ADGRV1: variants seen among roughly 807,000 people sequenced by gnomAD.
ADGRV1 encodes G-protein coupled receptor 98.
Under a neutral mutation model 596.2 loss-of-function variants are expected in ADGRV1, and 359 were observed. The observed-to-expected ratio is 0.60, with a 90% CI of 0.55 to 0.66. ADGRV1 has a LOEUF of 0.66. ADGRV1 is among the 30% of genes least tolerant of loss of function. The probability of loss-of-function intolerance (pLI) is 0.00; values close to 1 mark genes in which losing one functional copy is unlikely to be tolerated. For synonymous variants in ADGRV1, 2,681 were observed against 2,679.2 expected (o/e 1.00, Z -0.02); for missense variants, 7,274 against 7,575.6 (o/e 0.96, Z 1.48).
At position 90,728,734 on chromosome 5, in the gene ADGRV1, C is replaced by T. The variant is rs751104405; in HGVS notation, c.10227C>T (p.Thr3409=). 1.7e-5 allele frequency: 27 copies of T among 1,613,812 alleles called. No homozygotes were observed. The highest frequency in any genetic ancestry group is 2.2e-5 in the Non-Finnish European group (26 of 1,179,786). ...HQKLPVRGVL[T]VALFNKGGSV... is the part of the protein sequence containing the mutation. The stretch of plus-strand genomic sequence containing the variant: ...AACTCCCTGTCCGAGGTGTGCTGAC[C>T]GTGGCCTTGTTCAACAAGGGAGGCT... Residue 3409 remains threonine (T), a synonymous_variant, in exon 49 of 90, where the codon ACC becomes ACT. Coordinates refer to ENST00000405460, the MANE Select transcript of ADGRV1 (RefSeq NM_032119.4).
At chr5:90,851,217 A>T (rs934418107) in intron 79 of ADGRV1, among the ~76,000 whole-genome samples, 16 of 150,590 alleles carry the variant, frequency 1.1e-4, no homozygotes, top group South Asian at 6.3e-4. Context: ...AAGAGTGTTA[A>T]AGGTTAGAGA....
intron 83 of ADGRV1, among the ~76,000 whole-genome samples, chr5:90,960,055 C>T (rs922124536): frequency 1.1e-4 from 16 of 150,404 alleles, no homozygotes; most frequent in Admixed American, 8.0e-4. Flanking sequence ...AGGAGAATGG[C>T]GTGAACCCAG....
chr5:91,135,178 C>CAA (rs70973732), intron 87 of ADGRV1, among the ~76,000 whole-genome samples: 41 of 93,044 alleles, frequency 4.4e-4, no homozygotes, highest in African/African-American at 1.1e-3. Context: ...GACTCCATCT[C>CAA]AAAAAAAAAA....
At chr5:91,096,788 T>C (rs372720834) in intron 86 of ADGRV1, among the ~76,000 whole-genome samples, 5 of 152,310 alleles carry the variant, frequency 3.3e-5, no homozygotes, top group African/African-American at 7.2e-5. Context: ...ACTGACAATG[T>C]TGTGCAACTG....
intron 77 of ADGRV1, among the ~76,000 whole-genome samples, chr5:90,833,079 A>G (rs1764653891): frequency 6.6e-6 from 1 of 152,096 alleles, no homozygotes; most frequent in Non-Finnish European, 1.5e-5. Context: ...AGCTTTGGCT[A>G]TTCTGAGTCT....
chr5:90,993,086 A>G (rs896537995), intron 85 of ADGRV1, among the ~76,000 whole-genome samples: 1 of 148,032 alleles, frequency 6.8e-6, no homozygotes, highest in Non-Finnish European at 1.5e-5. Context: ...ACTATGTCCC[A>G]TTATCTTTAG....
intron 9 of ADGRV1, among the ~76,000 whole-genome samples, chr5:90,632,885 C>T (rs554487108): frequency 1.5e-4 from 23 of 152,162 alleles, no homozygotes; most frequent in Admixed American, 5.2e-4. Context: ...AGGTTCAAAA[C>T]AGCTGTAGGT....
At chr5:91,047,761 A>G (rs1876635) in intron 85 of ADGRV1, among the ~76,000 whole-genome samples, 23,858 of 152,166 alleles carry the variant, frequency 0.16, 2,346 homozygotes, top group African/African-American at 0.29. Flanking sequence ...GTCTAATCAT[A>G]AAGTGATACT....
chr5:90,646,096 T>C lies in ADGRV1; in HGVS notation c.3022+5T>C. The C allele has an allele frequency of 6.5e-7, 1 of 1,546,648 alleles. No homozygotes were observed. The highest frequency in any genetic ancestry group is 1.2e-5 in the South Asian group (1 of 80,336). Reference sequence around the variant, plus strand: ...ATGACCCCATTTATTTTGCAGGTGGTATTGCTGTCTTATTTGAATGAGTTT... The same window carrying C: ...ATGACCCCATTTATTTTGCAGGTGGCATTGCTGTCTTATTTGAATGAGTTT... On this transcript the variant is annotated splice_donor_5th_base_variant and intron_variant, in intron 16 of 89. Transcript: ENST00000405460.
At chr5:90,984,538 C>T (rs532068948) in intron 84 of ADGRV1, among the ~76,000 whole-genome samples, 1 of 152,172 alleles carries the variant, frequency 6.6e-6, no homozygotes, top group Admixed American at 6.5e-5. Flanking sequence ...TGTTTTATCT[C>T]AGTAGGAAAT....
intron 87 of ADGRV1, among the ~76,000 whole-genome samples, chr5:91,109,953 C>T (rs1405619991): frequency 6.6e-6 from 1 of 152,238 alleles, no homozygotes; most frequent in African/African-American, 2.4e-5. Flanking sequence ...TGAACAAGGC[C>T]AATGACAGCT....
At chr5:90,638,485 C>T (rs1314225869) in intron 11 of ADGRV1, among the ~76,000 whole-genome samples, 1 of 151,320 alleles carries the variant, frequency 6.6e-6, no homozygotes, top group Non-Finnish European at 1.5e-5. Context: ...TAAGAATCAA[C>T]AGCATTTCTC....
At chr5:91,050,435 G>A (rs1371260914) in intron 85 of ADGRV1, among the ~76,000 whole-genome samples, 2 of 151,952 alleles carry the variant, frequency 1.3e-5, no homozygotes, top group East Asian at 3.9e-4. Context: ...TTCCATCATG[G>A]CATTGTTGAT....
chr5:90,977,264 G>A (rs1010604516), intron 84 of ADGRV1, among the ~76,000 whole-genome samples: 1 of 152,144 alleles, frequency 6.6e-6, no homozygotes, highest in Non-Finnish European at 1.5e-5. Flanking sequence ...GAAAGAGGGA[G>A]GAGAACTGGG....
chr5:90,936,741 A>G (rs2150837791), intron 83 of ADGRV1, among the ~76,000 whole-genome samples: 1 of 152,196 alleles, frequency 6.6e-6, no homozygotes, highest in South Asian at 2.1e-4. Flanking sequence ...TTTCACTGTC[A>G]TTTAGTCCTA....
Position 90,653,336 on chromosome 5 carries a change from A to G in ADGRV1, c.3762A>G (p.Ala1254=), listed in dbSNP as rs200060307. The G allele has an allele frequency of 2.5e-6, 4 of 1,613,994 alleles. No homozygotes were observed. Among genetic ancestry groups the G allele is most frequent in the South Asian group, 1.1e-5 (1 of 91,084 alleles). The change falls in exon 20 of 90, where the codon GCA becomes GCG. Residue 1254 remains alanine, a synonymous_variant. Coordinates refer to ENST00000405460, the MANE Select transcript of ADGRV1 (RefSeq NM_032119.4). ...LDPECLEREV[A]EDVLSEDDMS... is the part of the protein sequence containing the mutation. ...CAGAGTGTTTAGAGAGAGAAGTGGC[A>G]GAAGATGTCCTGTCTGAAGATGATA...
At chr5:90,784,744 T>C (rs183069164) in intron 67 of ADGRV1, among the ~76,000 whole-genome samples, 1 of 152,054 alleles carries the variant, frequency 6.6e-6, no homozygotes, top group Non-Finnish European at 1.5e-5. Flanking sequence ...AGGTTAAAGA[T>C]GTCCATTGCT....
chr5:90,608,138 G>T (rs1182523273), intron 1 of ADGRV1, among the ~76,000 whole-genome samples: 1 of 151,938 alleles, frequency 6.6e-6, no homozygotes, highest in East Asian at 1.9e-4. Flanking sequence ...CAAAGAATCG[G>T]TAATTAAGAT....
chr5:90,999,683 G>T (rs1316837710), intron 85 of ADGRV1, among the ~76,000 whole-genome samples: 1 of 152,152 alleles, frequency 6.6e-6, no homozygotes, highest in East Asian at 1.9e-4. Context: ...GCTCTATAAT[G>T]CAAAGTTTTT....
Sources: allele counts gnomAD v4.1 joint callset (sites outside exome capture counted in the v4.1 genomes callset), GRCh38; gene constraint gnomAD v4.1.1; transcripts MANE v1.5; gene names NCBI Gene and HGNC (gene_info 2026-07-23, HGNC 2026-07-21).